FAM228A: variants seen among roughly 807,000 people sequenced by gnomAD.
FAM228A encodes protein FAM228A.
Under a neutral mutation model 18.6 loss-of-function variants are expected in FAM228A, and 13 were observed. The observed-to-expected ratio is 0.70, with a 90% CI of 0.45 to 1.11. The LOEUF is 1.11. Ranked by LOEUF, FAM228A falls within the 50% of genes least tolerant of loss-of-function variation. The pLI is 0.00. For missense variants in FAM228A, 240 were observed against 242.2 expected, an observed-to-expected ratio of 0.99 and a Z score of 0.06; for synonymous variants, 77 against 86.6, an observed-to-expected ratio of 0.89 and a Z score of 0.61.
intron 5 of FAM228A, among the ~76,000 whole-genome samples, chr2:24,189,580 G>T (rs1349911319): frequency 6.6e-6 from 1 of 152,110 alleles, no homozygotes; most frequent in Admixed American, 6.5e-5. Flanking sequence ...CTTAGCTGGA[G>T]CATAGTAGAT....
chr2:24,181,085 C>T lies in FAM228A; in HGVS notation c.163-2200C>T, dbSNP rs552509576. 4.6e-5 allele frequency among the ~76,000 whole-genome samples: 7 copies of T among 152,284 alleles called. No individual in the cohort carries two copies. In the South Asian group the frequency reaches 1.5e-3, roughly 32 times the overall value. On this transcript the variant is annotated intron_variant, in intron 3 of 5. Transcript: ENST00000295150. ...AGGTTAAAATTACCAAAAAAAGTACCTGCCTCATGGAGCAGAAAGTTCTGA... is the reference window on the plus strand; with the variant it reads ...AGGTTAAAATTACCAAAAAAAGTACTTGCCTCATGGAGCAGAAAGTTCTGA...
At chr2:24,183,402 T>C in intron 4 of FAM228A, 30 bp downstream of exon 4, 1 of 1,611,028 alleles carries the variant, frequency 6.2e-7, no homozygotes, top group Non-Finnish European at 8.5e-7. Context: ...CCTCATTTTT[T>C]TGAGACTGCT....
At chr2:24,177,764 C>G in intron 2 of FAM228A, 38 bp from the exon 3 acceptor site, 1 of 1,208,512 alleles carries the variant, frequency 8.3e-7, no homozygotes, top group East Asian at 2.4e-5. Flanking sequence ...TTTGTTTCTT[C>G]AGGATTCACA....
At chr2:24,184,476 TTA>T (rs890595460) in intron 5 of FAM228A, among the ~76,000 whole-genome samples, 3 of 152,316 alleles carry the variant, frequency 2.0e-5, no homozygotes, top group South Asian at 2.1e-4. Context: ...TTGCTCACCA[TTA>T]TGTTTTTCAG....
chr2:24,187,489 C>T (rs931824716), intron 5 of FAM228A, among the ~76,000 whole-genome samples: 2 of 152,168 alleles, frequency 1.3e-5, no homozygotes, highest in Non-Finnish European at 2.9e-5. Context: ...ACATTCTATG[C>T]GTTTTGACAA....
rs189526754 is a variant in FAM228A, at chr2:24,186,390, T to C, written c.401+2745T>C. On this transcript the variant is annotated intron_variant, in intron 5 of 5. Transcript: ENST00000295150. ...CTTTTCCTTACCTTACAGTACCAGT[T>C]AAGATCTCTGGCACAAAGTTGAAGT... 7.9e-5 allele frequency among the ~76,000 whole-genome samples: 12 copies of C among 152,290 alleles called. No individual in the cohort carries two copies. The East Asian group carries it at 2.3e-3, about 29-fold the overall frequency.
intron 5 of FAM228A, 55 bp downstream of exon 5, chr2:24,183,700 C>T: frequency 2.8e-6 from 4 of 1,453,858 alleles, no homozygotes; most frequent in East Asian, 2.3e-5. Context: ...TACTTTATTT[C>T]CTACTGAAGC....
intron 5 of FAM228A, among the ~76,000 whole-genome samples, chr2:24,186,943 G>A (rs997249258): frequency 6.6e-6 from 1 of 152,106 alleles, no homozygotes; most frequent in Non-Finnish European, 1.5e-5. Flanking sequence ...CCCGCCTGTG[G>A]AAAATTACAC....
Position 24,175,061 on chromosome 2 carries a change from C to T in FAM228A, c.-128C>T, listed in dbSNP as rs1215281357. 6.1e-6 allele frequency: 1 copy of T among 162,630 alleles called. No homozygotes were observed. The allele number at this position is 162,630 out of a possible 1,614,324, so 10.1% of individuals were successfully genotyped here. ...GGGATCTGGCGTGGCGCATGCGCCCCGACGCTCGGGCCCGCGGGCTCCTTT... is the reference window on the plus strand; with the variant it reads ...GGGATCTGGCGTGGCGCATGCGCCCTGACGCTCGGGCCCGCGGGCTCCTTT... On this transcript the variant is annotated 5_prime_UTR_variant, in exon 1 of 6. Coordinates refer to ENST00000295150, the MANE Select transcript of FAM228A (RefSeq NM_001040710.3).
Position 24,191,056 on chromosome 2 carries a change from A to C in FAM228A, c.*425A>C. Reference sequence around the variant, plus strand: ...AAATTTATACCAAAAAATTAGGGCAAGATGAGATTTTTTGATATTTAAAAG... The same window carrying C: ...AAATTTATACCAAAAAATTAGGGCACGATGAGATTTTTTGATATTTAAAAG... On this transcript the variant is annotated 3_prime_UTR_variant, in exon 6 of 6. Coordinates refer to ENST00000295150, the MANE Select transcript of FAM228A (RefSeq NM_001040710.3). 1 of 990,514 alleles carries C rather than the reference A, an allele frequency of 1.0e-6. No individual in the cohort carries two copies. The highest frequency in any genetic ancestry group is 1.2e-6 in the Non-Finnish European group (1 of 833,428). 61.4% of individuals were successfully genotyped at this position (990,514 alleles called of 1,614,324 possible). A position where few individuals can be genotyped will look rare whatever the true frequency, so the allele number is the denominator to read the frequency against.
At chr2:24,190,350 T>G in intron 5 of FAM228A, 62 bp from the exon 6 acceptor site, 2 of 1,493,112 alleles carry the variant, frequency 1.3e-6, no homozygotes, top group Non-Finnish European at 1.8e-6. Flanking sequence ...CTTCGGAAAC[T>G]ATTTGATGGT....
At chr2:24,185,015 G>A (rs189578157) in intron 5 of FAM228A, among the ~76,000 whole-genome samples, 12 of 152,052 alleles carry the variant, frequency 7.9e-5, no homozygotes, top group East Asian at 1.9e-4. Context: ...TAGAGATGGC[G>A]TTTCACCATG....
intron 3 of FAM228A, among the ~76,000 whole-genome samples, chr2:24,180,288 G>T (rs1667785272): frequency 1.1e-4 from 2 of 17,640 alleles, no homozygotes; most frequent in African/African-American, 2.4e-4. Context: ...AAACCCGTCT[G>T]TACAAAAAAA....
At chr2:24,183,198 T>C in intron 3 of FAM228A, 87 bp from the exon 4 acceptor site, 1 of 981,698 alleles carries the variant, frequency 1.0e-6, no homozygotes, top group Non-Finnish European at 1.6e-6. Flanking sequence ...CCTCAGGGTC[T>C]ATTGTTCCCA....
intron 3 of FAM228A, among the ~76,000 whole-genome samples, chr2:24,179,783 C>T (rs1333881764): frequency 6.6e-6 from 1 of 152,090 alleles, no homozygotes; most frequent in Non-Finnish European, 1.5e-5. Flanking sequence ...TTGCAGGAAG[C>T]AAAAAGAGTC....
chr2:24,190,075 A>C (rs1668043875), intron 5 of FAM228A, among the ~76,000 whole-genome samples: 3 of 152,040 alleles, frequency 2.0e-5, no homozygotes, highest in Non-Finnish European at 4.4e-5. Context: ...GAGTGCTGGC[A>C]AGTGGAGGCG....
In FAM228A at chr2:24,188,613, C is replaced by G. The variant is rs186093019; in HGVS notation, c.402-1799C>G. 5 of 985,398 alleles carry G rather than the reference C, an allele frequency of 5.1e-6. 1 individual carries two copies. In the Admixed American group the frequency reaches 2.5e-4, roughly 48 times the overall value. The allele number at this position is 985,398 out of a possible 1,614,324, so 61.0% of individuals were successfully genotyped here. On this transcript the variant is annotated intron_variant, in intron 5 of 5. Transcript: ENST00000295150. ...AAAAATCCACCAAAGATGCTAGAAGCACAGAGAAATCAGTCTCTACCTTGG... is the reference window on the plus strand; with the variant it reads ...AAAAATCCACCAAAGATGCTAGAAGGACAGAGAAATCAGTCTCTACCTTGG...
chr2:24,179,175 A>C (rs189489150), intron 3 of FAM228A: 1 of 1,178,906 alleles, frequency 8.5e-7, no homozygotes, highest in East Asian at 7.2e-5. Flanking sequence ...ATGTTACATA[A>C]AAAATGGGTT....
intron 3 of FAM228A, among the ~76,000 whole-genome samples, chr2:24,178,391 A>G (rs184272062): frequency 1.3e-5 from 2 of 152,182 alleles, no homozygotes; most frequent in Non-Finnish European, 2.9e-5. Context: ...TGGGCAACAT[A>G]GTGAGGCCCT....
Sources: gnomAD v4.1 joint callset for allele counts (sites outside exome capture counted in the v4.1 genomes callset) on GRCh38, gnomAD v4.1.1 for gene constraint, MANE v1.5 for transcripts, NCBI Gene and HGNC (gene_info 2026-07-23, HGNC 2026-07-21) for gene names.